The following SLC19A1 variants were observed in gnomAD, a reference collection of about 807,000 sequenced individuals.
SLC19A1 encodes solute carrier family 19 member 1, also known as reduced folate transporter.
A neutral mutation model predicts 35.3 loss-of-function variants in SLC19A1; 37 were observed. That is an observed-to-expected ratio of 1.05 (90% CI 0.81 to 1.38). SLC19A1 has a LOEUF of 1.38. Among genes scored for constraint, SLC19A1 ranks in the 40% most tolerant of loss-of-function variants. The pLI, the probability that SLC19A1 is intolerant of heterozygous loss-of-function variation, is 0.00. For synonymous variants in SLC19A1, 460 were observed against 398.5 expected, an observed-to-expected ratio of 1.15 and a Z score of -1.84; for missense variants, 831 against 826.9, an observed-to-expected ratio of 1.00 and a Z score of -0.06.
chr21:45,553,251 G>A (rs2078485477), intron 1 of SLC19A1, among the ~76,000 whole-genome samples: 1 of 152,074 alleles, frequency 6.6e-6, no homozygotes. Flanking sequence ...ACCGGCCTAA[G>A]GGGACGGGAG....
chr21:45,544,925 C>G (rs1423405393), upstream of SLC19A1, among the ~76,000 whole-genome samples: 1 of 152,204 alleles, frequency 6.6e-6, no homozygotes, highest in Non-Finnish European at 1.5e-5. Context: ...ACCGGCCAGT[C>G]CTCTGCCTTG....
intron 4 of SLC19A1, among the ~76,000 whole-genome samples, chr21:45,528,842 A>G (rs892801248): frequency 5.9e-5 from 9 of 152,200 alleles, no homozygotes; most frequent in Non-Finnish European, 1.2e-4. Flanking sequence ...TCTGGCATCA[A>G]CCCAACACAG....
upstream of SLC19A1, among the ~76,000 whole-genome samples, chr21:45,542,678 C>T (rs2078350742): frequency 6.6e-6 from 1 of 151,532 alleles, no homozygotes; most frequent in South Asian, 2.1e-4. Context: ...GCCCCCTGAC[C>T]CCGACCGCCC....
chr21:45,555,975 G>A (rs1351124394), intron 1 of SLC19A1, among the ~76,000 whole-genome samples: 1 of 152,182 alleles, frequency 6.6e-6, no homozygotes, highest in Non-Finnish European at 1.5e-5. Flanking sequence ...AGGTGACCAC[G>A]GGACAGACGA....
chr21:45,519,570 CAAAAAAAAA>C (rs57639933), intron 5 of SLC19A1, among the ~76,000 whole-genome samples: 3 of 57,232 alleles, frequency 5.2e-5, no homozygotes, highest in Admixed American at 4.1e-4. Flanking sequence ...AACTTCTGAG[CAAAAAAAAA>C]AAAAAAAAAA....
chr21:45,529,922 TGTGTGTGTGTCCGTGTGTA>T (rs2077804041), intron 4 of SLC19A1, among the ~76,000 whole-genome samples: 1 of 147,586 alleles, frequency 6.8e-6, no homozygotes, highest in Non-Finnish European at 1.5e-5. Flanking sequence ...TCCCTGTGAG[TGTGTGTGTGTCCGTGTGTA>T]GTGTGTGTCC....
At chr21:45,556,767 T>A (rs1038005402) in intron 1 of SLC19A1, among the ~76,000 whole-genome samples, 3 of 152,120 alleles carry the variant, frequency 2.0e-5, no homozygotes, top group Non-Finnish European at 4.4e-5. Context: ...TTTTAAATGT[T>A]CTCTCACGTC....
Position 45,540,686 on chromosome 21 carries a change from A to G in SLC19A1, c.-50+1682T>C, listed in dbSNP as rs1602905437. On this transcript the variant is annotated intron_variant, in intron 1 of 5. Transcript: ENST00000311124. The surrounding 1 kb of genome is among the most constrained non-coding windows in gnomAD (Gnocchi z 5.5). Reference sequence around the variant, plus strand: ...CGCAGCCCCAAGCCAGGGGACGCCTAGACTCCAAGTGTCCAGACCCCAGCC... The same window carrying G: ...CGCAGCCCCAAGCCAGGGGACGCCTGGACTCCAAGTGTCCAGACCCCAGCC... 6.6e-6 allele frequency among the ~76,000 whole-genome samples: 1 copy of G among 152,198 alleles called. No individual in the cohort carries two copies. The highest frequency in any genetic ancestry group is 1.5e-5 in the Non-Finnish European group (1 of 68,038).
chr21:45,512,099 T>G (rs2037645473), downstream of SLC19A1: 2 of 1,438,030 alleles, frequency 1.4e-6, no homozygotes, highest in Non-Finnish European at 1.9e-6. Flanking sequence ...AGGGCTGGCC[T>G]CCTGCCTCCA....
At position 45,505,418 on chromosome 21, in the gene SLC19A1, G is replaced by A. The variant is rs752398515; in HGVS notation, c.498-6806C>T. 7.0e-6 allele frequency: 11 copies of A among 1,562,448 alleles called. No individual in the cohort carries two copies. In the Admixed American group the frequency reaches 1.2e-4, roughly 18 times the overall value. ...CCCCCTGGGCCCCCTGGAACCATGG[G>A]CGCCTCCTCAGGGGTAAGTGTCTGG... On this transcript the variant is annotated intron_variant, in intron 3 of 4. Transcript: ENST00000417954.
upstream of SLC19A1, among the ~76,000 whole-genome samples, chr21:45,543,433 G>A (rs577958302): frequency 7.2e-5 from 11 of 152,370 alleles, no homozygotes; most frequent in African/African-American, 2.6e-4. Flanking sequence ...CAGCTCAAGA[G>A]TGCGGGTCCC....
chr21:45,504,348 G>T, intron 3 of SLC19A1: 1 of 1,525,430 alleles, frequency 6.6e-7, no homozygotes, highest in Admixed American at 1.8e-5. Flanking sequence ...CTGGCTCGGG[G>T]GGATGGGAGG....
At position 45,504,947 on chromosome 21, in the gene SLC19A1, C is replaced by T. The variant is rs1315093318; in HGVS notation, c.498-6335G>A. On this transcript the variant is annotated intron_variant, in intron 3 of 4. Coordinates refer to the SLC19A1 transcript ENST00000417954. ...TCTCTGCTGGTCTCTCCCCCGGGAT[C>T]GCACCCCCAGGGAAGAAGGGGTGAT... is the stretch of plus-strand genomic sequence containing the variant. 9.2e-5 allele frequency among the ~76,000 whole-genome samples: 14 copies of T among 152,200 alleles called. No individual in the cohort carries two copies. In the East Asian group the frequency reaches 1.9e-3, roughly 21 times the overall value.
intron 1 of SLC19A1, among the ~76,000 whole-genome samples, chr21:45,553,460 G>A (rs1054684978): frequency 6.6e-6 from 1 of 151,748 alleles, no homozygotes; most frequent in East Asian, 1.9e-4. Context: ...TATTTTTTTT[G>A]TGGTAAAAGA....
intron 5 of SLC19A1, among the ~76,000 whole-genome samples, chr21:45,521,873 G>A (rs1357781648): frequency 6.6e-6 from 1 of 152,134 alleles, no homozygotes. Flanking sequence ...GCTGGTCAGA[G>A]ACTTAAATGT....
In SLC19A1 at chr21:45,534,461, A is replaced by G; in HGVS notation, c.190-2313T>C. 8.7e-7 allele frequency: 1 copy of G among 1,155,710 alleles called. No individual in the cohort carries two copies. Among genetic ancestry groups the G allele is most frequent in the East Asian group, 2.6e-5 (1 of 39,080 alleles). The allele number at this position is 1,155,710 out of a possible 1,614,324, so 71.6% of individuals were successfully genotyped here. A position where few individuals can be genotyped will look rare whatever the true frequency, so the allele number is the denominator to read the frequency against. ...ACAGCCCAGAGTCAAAATGGTAGAC[A>G]GCCAGCAGAGAGGCTCTCCCCAGAC... On this transcript the variant is annotated intron_variant, in intron 2 of 5. Transcript: ENST00000311124. The surrounding 1 kb of genome is among the most constrained non-coding windows in gnomAD (Gnocchi z 4.2).
At chr21:45,560,734 C>T (rs544429701) in intron 1 of SLC19A1, among the ~76,000 whole-genome samples, 59 of 152,300 alleles carry the variant, frequency 3.9e-4, no homozygotes, top group Admixed American at 9.2e-4. Flanking sequence ...CAACAGTGGC[C>T]AAGTGCCAAT....
intron 1 of SLC19A1, among the ~76,000 whole-genome samples, chr21:45,553,953 C>T (rs1474471331): frequency 2.2e-4 from 1 of 4,576 alleles, no homozygotes; most frequent in Non-Finnish European, 3.9e-4. Context: ...CTCCCAGTCC[C>T]CCACGCCCCA....
chr21:45,523,438 G>A (rs567129529), intron 5 of SLC19A1, among the ~76,000 whole-genome samples: 7 of 152,106 alleles, frequency 4.6e-5, no homozygotes, highest in East Asian at 1.9e-4. Context: ...CAGCCTCCAC[G>A]GCCACACCAG....
Sources: allele counts gnomAD v4.1 joint callset (sites outside exome capture counted in the v4.1 genomes callset), GRCh38; gene constraint gnomAD v4.1.1; non-coding constraint Gnocchi (gnomAD v3.1); transcripts MANE v1.5; gene names NCBI Gene and HGNC (gene_info 2026-07-23, HGNC 2026-07-21).